The following LAMA1 variants were observed in gnomAD, a reference collection of about 807,000 sequenced individuals.
LAMA1 encodes the protein laminin subunit alpha 1, also known as laminin subunit alpha-1.
A neutral mutation model predicts 348.7 loss-of-function variants in LAMA1; 219 were observed. The observed-to-expected ratio is 0.63, with a 90% CI of 0.56 to 0.70. The LOEUF is 0.70. LAMA1 is among the 30% of genes least tolerant of loss of function. The pLI is 0.00. For missense variants in LAMA1, 3,744 were observed against 3,888.0 expected (o/e 0.96, Z 0.99); for synonymous variants, 1,487 against 1,491.0 (o/e 1.00, Z 0.06).
chr18:7,083,239 G>A (rs1181733409), intron 1 of LAMA1, among the ~76,000 whole-genome samples: 2 of 147,922 alleles, frequency 1.4e-5, no homozygotes, highest in Non-Finnish European at 3.0e-5. Context: ...AGGCTGGAGT[G>A]CAGTGGCACG....
In LAMA1 at chr18:7,012,407, T is replaced by C. The variant is rs541986430; in HGVS notation, c.3364-269A>G. On this transcript the variant is annotated intron_variant, in intron 23 of 62. Coordinates refer to ENST00000389658, the MANE Select transcript of LAMA1 (RefSeq NM_005559.4). ...TGATGAGAATGTCCCGAGACAACTC[T>C]GGAAGCCGCCTCGAGTCTCCAGGTG... Among the ~76,000 whole-genome samples, 48 of 151,762 alleles carry C rather than the reference T, an allele frequency of 3.2e-4. 1 individual carries two copies. In the South Asian group the frequency reaches 8.1e-3, roughly 26 times the overall value.
In LAMA1 at chr18:7,115,814, C is replaced by CAAAAAAAAA. The variant is rs557585224; in HGVS notation, c.61+1837_61+1845dup. 5.6e-3 allele frequency among the ~76,000 whole-genome samples: 535 copies of CAAAAAAAAA among 94,776 alleles called. 13 individuals are homozygous for CAAAAAAAAA. The highest frequency in any genetic ancestry group is 0.017 in the African/African-American group (489 of 28,252). 62.2% of individuals were successfully genotyped at this position (94,776 alleles called of 152,430 possible). On this transcript the variant is annotated intron_variant, in intron 1 of 62. Coordinates refer to ENST00000389658, the MANE Select transcript of LAMA1 (RefSeq NM_005559.4). ...TGAAACCCTGTCTCCACTAAAAATA[C>CAAAAAAAAA]AAAAAAAAAAAAAAAAAAATAGCCG...
intron 1 of LAMA1, among the ~76,000 whole-genome samples, chr18:7,103,544 C>T (rs892854967): frequency 4.6e-5 from 7 of 152,018 alleles, no homozygotes; most frequent in Non-Finnish European, 1.0e-4. Flanking sequence ...TGGTGGCTCA[C>T]GCCTGTAATC....
intron 7 of LAMA1, 102 bp downstream of exon 7, chr18:7,044,620 A>G (rs2058034399): frequency 2.1e-6 from 2 of 955,358 alleles, no homozygotes; most frequent in Admixed American, 3.4e-5. Flanking sequence ...AATTTCTAAG[A>G]AAACAAGTTA....
chr18:6,983,187 G>C lies in LAMA1; in HGVS notation c.5708C>G (p.Ala1903Gly), dbSNP rs2057719867. Residue 1903 changes from alanine to glycine, a missense_variant, in exon 40 of 63, where the codon GCC becomes GGC. This residue lies in a region of LAMA1 where 1,983 missense variants were observed against 1,934.3 expected (regional missense o/e 1.03). Transcript: ENST00000389658. The part of the protein sequence containing the change: ...RNVSLNATSA[A>G]YVHYNIQSLI... ...GCTCTGGATGTTGTAATGGACATAG[G>C]CTGCACTGGTGGCATTCAGGGACAC... 5 of 1,614,128 alleles carry C rather than the reference G, an allele frequency of 3.1e-6. No individual in the cohort carries two copies. In the East Asian group the frequency reaches 1.1e-4, roughly 36 times the overall value.
intron 36 of LAMA1, among the ~76,000 whole-genome samples, chr18:6,987,028 G>C (rs1023511519): frequency 1.3e-5 from 2 of 152,120 alleles, no homozygotes; most frequent in Non-Finnish European, 2.9e-5. Flanking sequence ...CAAAGTGCTG[G>C]GATTACAGGC....
chr18:7,028,750 G>A (rs1030354081), intron 16 of LAMA1, among the ~76,000 whole-genome samples: 1 of 152,242 alleles, frequency 6.6e-6, no homozygotes, highest in Non-Finnish European at 1.5e-5. Flanking sequence ...AGAAAGTGCA[G>A]TCGGTGGTTA....
At position 7,008,533 on chromosome 18, in the gene LAMA1, T is replaced by G; in HGVS notation, c.4077A>C (p.Leu1359Phe). ...TGCCAGGAGGACAGACACAATTCTCTAAAAGAGATGCAACCTCTTCTTCTG... is the reference window on the plus strand; with the variant it reads ...TGCCAGGAGGACAGACACAATTCTCGAAAAGAGATGCAACCTCTTCTTCTG... ...LHPEEEVASL[L>F]ENCVCPPGTV... Residue 1359 changes from leucine to phenylalanine, a missense_variant, in exon 28 of 63, where the codon TTA becomes TTC. Leu to Phe is a conservative substitution (Grantham distance 22). This residue lies in a region of LAMA1 where 1,983 missense variants were observed against 1,934.3 expected (regional missense o/e 1.03). Transcript: ENST00000389658. The G allele has an allele frequency of 6.2e-7, 1 of 1,614,100 alleles. No individual in the cohort carries two copies. Among genetic ancestry groups the G allele is most frequent in the South Asian group, 1.1e-5 (1 of 91,078 alleles).
intron 57 of LAMA1, chr18:6,954,750 GGCACAGCCAA>G: frequency 4.5e-5 from 6 of 134,774 alleles, no homozygotes; most frequent in South Asian, 1.8e-4. Flanking sequence ...ATGACAGGGT[GGCACAGCCAA>G]TGACAACAAG....
chr18:7,117,795 T>C lies in LAMA1; in HGVS notation c.-75A>G, dbSNP rs991128666. Reference sequence around the variant, plus strand: ...CCTGGAACGCTCCACGGGACGCGAGTCCGCGCTGCCCTGGCCCCGCCGCTC... The same window carrying C: ...CCTGGAACGCTCCACGGGACGCGAGCCCGCGCTGCCCTGGCCCCGCCGCTC... On this transcript the variant is annotated 5_prime_UTR_variant, in exon 1 of 63. Coordinates refer to ENST00000389658, the MANE Select transcript of LAMA1 (RefSeq NM_005559.4). 60 of 1,361,062 alleles carry C rather than the reference T, an allele frequency of 4.4e-5. No homozygotes were observed. Among genetic ancestry groups the C allele is most frequent in the Non-Finnish European group, 5.7e-5 (57 of 993,852 alleles). The allele number at this position is 1,361,062 out of a possible 1,614,324, so 84.3% of individuals were successfully genotyped here.
At chr18:6,966,116 G>A (rs767631404) in intron 49 of LAMA1, 31 bp downstream of exon 49, 4 of 1,612,402 alleles carry the variant, frequency 2.5e-6, no homozygotes, top group Admixed American at 1.7e-5. Flanking sequence ...TGTGTATACA[G>A]TAGGGCCTAG....
intron 1 of LAMA1, among the ~76,000 whole-genome samples, chr18:7,107,050 A>C (rs2058314774): frequency 6.6e-6 from 1 of 151,838 alleles, no homozygotes; most frequent in South Asian, 2.1e-4. Context: ...AGCAAGCAGA[A>C]CGTAGATGGC....
At chr18:7,039,920 A>AGGC (rs1162251907) in intron 10 of LAMA1, among the ~76,000 whole-genome samples, 156 bp downstream of exon 10, 3,588 of 152,324 alleles carry the variant, frequency 0.024, 152 homozygotes, top group African/African-American at 0.083. Flanking sequence ...TATATAATAC[A>AGGC]GCCAACTCGG....
rs749039410 is a variant in LAMA1 at position 6,982,484 on chromosome 18, G to A, written c.5890+13C>T. 1.2e-6 allele frequency: 2 copies of A among 1,612,034 alleles called. No homozygotes were observed. The highest frequency in any genetic ancestry group is 1.1e-5 in the South Asian group (1 of 91,048). ...CACTCTGCCTGTCTACACCGTCCGA[G>A]CCACATACTGACCTGGAAGCTTCCT... On this transcript the variant is annotated intron_variant, in intron 41 of 62. Coordinates refer to ENST00000389658, the MANE Select transcript of LAMA1 (RefSeq NM_005559.4).
chr18:6,972,055 A>C lies in LAMA1; in HGVS notation c.6775-74T>G, dbSNP rs2057661051. 2.1e-5 allele frequency: 33 copies of C among 1,566,200 alleles called. 2 individuals carry two copies. The South Asian group carries it at 3.1e-4, about 15-fold the overall frequency. ...CAAAATACATTCTCCAAGTGCACAA[A>C]ACTTCTCTCTGGGAGCTTCAATCTA... On this transcript the variant is annotated intron_variant, in intron 47 of 62. Transcript: ENST00000389658.
At chr18:7,065,666 G>T (rs1289037490) in intron 3 of LAMA1, among the ~76,000 whole-genome samples, 21 of 152,180 alleles carry the variant, frequency 1.4e-4, no homozygotes, top group Admixed American at 1.4e-3. Flanking sequence ...GGCAGAGATT[G>T]CAGTGAGCTG....
In LAMA1 at chr18:7,043,519, A is replaced by G. The variant is rs1026942827; in HGVS notation, c.977-114T>C. 7.0e-6 allele frequency: 6 copies of G among 859,584 alleles called. No individual in the cohort carries two copies. The Admixed American group carries it at 8.5e-5, about 12-fold the overall frequency. The allele number at this position is 859,584 out of a possible 1,614,324, so 53.2% of individuals were successfully genotyped here. On this transcript the variant is annotated intron_variant, in intron 7 of 62. Coordinates refer to ENST00000389658, the MANE Select transcript of LAMA1 (RefSeq NM_005559.4). ...TTTTAGATTAAATTAAAATCCTAGAATAAGTAATTTTAATAAGATATGGGC... is the reference window on the plus strand; with the variant it reads ...TTTTAGATTAAATTAAAATCCTAGAGTAAGTAATTTTAATAAGATATGGGC...
At chr18:7,031,584 G>A (rs2057969247) in intron 16 of LAMA1, among the ~76,000 whole-genome samples, 1 of 151,792 alleles carries the variant, frequency 6.6e-6, no homozygotes. Flanking sequence ...GAGGGTTGAG[G>A]TGGGAGGACC....
Position 6,950,879 on chromosome 18 carries a change from T to A in LAMA1, c.8300A>T (p.Gln2767Leu). 1.2e-6 allele frequency: 2 copies of A among 1,614,200 alleles called. No homozygotes were observed. Among genetic ancestry groups the A allele is most frequent in the South Asian group, 2.2e-5 (2 of 91,080 alleles). The part of the protein sequence containing the change: ...HQNQADYAVL[Q>L]LHGGRLHFMF... Reference sequence around the variant, plus strand: ...GAAGTGGAGGCGGCCCCCGTGCAGCTGGAGCACAGCGTAGTCTGCTTGGTT... The same window carrying A: ...GAAGTGGAGGCGGCCCCCGTGCAGCAGGAGCACAGCGTAGTCTGCTTGGTT... Residue 2767 changes from glutamine to leucine, a missense_variant, in exon 58 of 63, where the codon CAG (glutamine) becomes CTG (leucine). By Grantham distance (113) the Gln-to-Leu change is moderately radical. Coordinates refer to ENST00000389658, the MANE Select transcript of LAMA1 (RefSeq NM_005559.4).
Sources: gnomAD v4.1 joint callset for allele counts (sites outside exome capture counted in the v4.1 genomes callset) on GRCh38, gnomAD v4.1.1 for gene constraint, gnomAD v4.1.1 regional missense constraint, MANE v1.5 for transcripts, NCBI Gene and HGNC (gene_info 2026-07-23, HGNC 2026-07-21) for gene names.